PHF20: variants seen among roughly 807,000 people sequenced by gnomAD.
PHF20 encodes the protein glioma-expressed antigen 2.
A neutral mutation model predicts 113.5 loss-of-function variants in PHF20; 23 were observed. The observed-to-expected ratio is 0.20, with a 90% CI of 0.15 to 0.29. The LOEUF is 0.29. Among genes scored for constraint, PHF20 ranks in the 10% least tolerant of loss-of-function variants. The probability of loss-of-function intolerance (pLI) is 1.00; values close to 1 mark genes in which losing one functional copy is unlikely to be tolerated. For missense variants in PHF20, 943 were observed against 1,219.6 expected (o/e 0.77, Z 3.38); for synonymous variants, 434 against 457.3 (o/e 0.95, Z 0.65).
chr20:35,842,737 G>C lies in PHF20; in HGVS notation c.248G>C (p.Gly83Ala). The C allele has an allele frequency of 6.2e-7, 1 of 1,613,084 alleles. No individual in the cohort carries two copies. Among genetic ancestry groups the C allele is most frequent in the Non-Finnish European group, 8.5e-7 (1 of 1,179,548 alleles). The change falls in exon 3 of 18, where the codon GGA (glycine) becomes GCA (alanine). Residue 83 changes from glycine to alanine, a missense_variant. Coordinates refer to ENST00000374012, the MANE Select transcript of PHF20 (RefSeq NM_016436.5). The part of the protein sequence containing the change: ...LRKEGLHEED[G>A]SSEFQINEQV... ...AAAGAGGGCTTGCATGAAGAGGATG[G>C]ATCTTCTGTGAGTAACAAATCTGGG... is the stretch of plus-strand genomic sequence containing the variant.
chr20:35,848,749 C>T (rs1342982840), intron 4 of PHF20, among the ~76,000 whole-genome samples: 2 of 151,356 alleles, frequency 1.3e-5, no homozygotes, highest in South Asian at 2.1e-4. Flanking sequence ...CCTAGCTACT[C>T]GCATGGCTGA....
chr20:35,842,002 C>T (rs2042544851), intron 2 of PHF20, among the ~76,000 whole-genome samples: 1 of 152,108 alleles, frequency 6.6e-6, no homozygotes, highest in Non-Finnish European at 1.5e-5. Context: ...ACCCAGTGTG[C>T]TTCTTCCACT....
At chr20:35,820,174 T>C (rs2042143393) in intron 2 of PHF20, among the ~76,000 whole-genome samples, 1 of 152,086 alleles carries the variant, frequency 6.6e-6, no homozygotes, top group Non-Finnish European at 1.5e-5. Context: ...TGAGGAGATA[T>C]TTACTCTGTA....
intron 15 of PHF20, among the ~76,000 whole-genome samples, chr20:35,937,508 T>A (rs1179396072): frequency 6.6e-6 from 1 of 151,488 alleles, no homozygotes; most frequent in Non-Finnish European, 1.5e-5. Context: ...GTGTCTGGGT[T>A]AAAATAAGGG....
chr20:35,886,000 A>G (rs1218068006), intron 9 of PHF20, among the ~76,000 whole-genome samples: 1 of 151,462 alleles, frequency 6.6e-6, no homozygotes, highest in Non-Finnish European at 1.5e-5. Flanking sequence ...GTTTAATCTC[A>G]CTTCTTTCCT....
rs541650781 is a variant in PHF20 at position 35,786,166 on chromosome 20, A to G, written c.-33+14087A>G. Among the ~76,000 whole-genome samples, 224 of 152,120 alleles carry G rather than the reference A, an allele frequency of 1.5e-3. 1 individual carries two copies. Among genetic ancestry groups the G allele is most frequent in the Admixed American group, 3.5e-3 (54 of 15,256 alleles). ...CACTTTGGGAGGCCGAGGCAGGTGGATCACGAGGTCAGGAGATCGAGACCA... is the reference window on the plus strand; with the variant it reads ...CACTTTGGGAGGCCGAGGCAGGTGGGTCACGAGGTCAGGAGATCGAGACCA... On this transcript the variant is annotated intron_variant, in intron 1 of 17. Transcript: ENST00000374012.
intron 2 of PHF20, among the ~76,000 whole-genome samples, chr20:35,823,744 C>T (rs1424896772): frequency 6.6e-6 from 1 of 151,988 alleles, no homozygotes; most frequent in African/African-American, 2.4e-5. Context: ...CTCCTGGCAC[C>T]TCCAGCTCCT....
chr20:35,803,339 T>G (rs2041819681), intron 2 of PHF20, among the ~76,000 whole-genome samples: 1 of 151,270 alleles, frequency 6.6e-6, no homozygotes, highest in Non-Finnish European at 1.5e-5. Context: ...TTTTTTTTTT[T>G]GGAGACAAGA....
intron 6 of PHF20, among the ~76,000 whole-genome samples, chr20:35,866,712 C>T (rs2054325757): frequency 6.6e-6 from 1 of 152,118 alleles, no homozygotes; most frequent in South Asian, 2.1e-4. Context: ...TTTAGGTATT[C>T]ATGCCCTGGC....
intron 11 of PHF20, among the ~76,000 whole-genome samples, 157 bp from the exon 12 acceptor site, chr20:35,913,876 G>T (rs1427139758): frequency 2.0e-5 from 3 of 152,132 alleles, no homozygotes; most frequent in African/African-American, 7.2e-5. Flanking sequence ...GGAGGTGTTT[G>T]GGCCCCTTCA....
intron 2 of PHF20, among the ~76,000 whole-genome samples, chr20:35,808,290 C>G (rs960444578): frequency 2.6e-5 from 4 of 151,870 alleles, no homozygotes; most frequent in African/African-American, 9.7e-5. Context: ...TGTTCATTGA[C>G]TAGGATCATA....
At chr20:35,787,818 T>C (rs1053125614) in intron 1 of PHF20, among the ~76,000 whole-genome samples, 5 of 151,768 alleles carry the variant, frequency 3.3e-5, no homozygotes, top group Non-Finnish European at 7.4e-5. Flanking sequence ...TTTCGCTCTG[T>C]CTCCCTGGCT....
chr20:35,785,150 AT>A (rs1471708612), intron 1 of PHF20, among the ~76,000 whole-genome samples: 1 of 151,676 alleles, frequency 6.6e-6, no homozygotes, highest in African/African-American at 2.4e-5. Context: ...CAAGTTGTTT[AT>A]TGTTTATACT....
At chr20:35,889,040 G>A (rs562197136) in intron 9 of PHF20, among the ~76,000 whole-genome samples, 125 of 110,980 alleles carry the variant, frequency 1.1e-3, no homozygotes, top group African/African-American at 4.2e-3. Context: ...TTTTTGAAAT[G>A]GAGTCTCGCT....
At chr20:35,932,011 A>AAT (rs1193117711) in intron 15 of PHF20, among the ~76,000 whole-genome samples, 1 of 151,664 alleles carries the variant, frequency 6.6e-6, no homozygotes, top group African/African-American at 2.4e-5. Flanking sequence ...CCACCACCAG[A>AAT]ATCAATACAT....
chr20:35,813,718 C>T (rs1277438709), intron 2 of PHF20, among the ~76,000 whole-genome samples: 7 of 151,920 alleles, frequency 4.6e-5, no homozygotes, highest in Non-Finnish European at 7.4e-5. Context: ...ATTAGCCAGG[C>T]GTGGTGGCAC....
At chr20:35,817,110 T>C (rs545859194) in intron 2 of PHF20, among the ~76,000 whole-genome samples, 1 of 151,736 alleles carries the variant, frequency 6.6e-6, no homozygotes, top group East Asian at 2.0e-4. Flanking sequence ...TTGTTGTTTT[T>C]TTTTAATCTG....
At chr20:35,827,628 C>CA (rs1252217631) in intron 2 of PHF20, among the ~76,000 whole-genome samples, 2 of 151,908 alleles carry the variant, frequency 1.3e-5, no homozygotes, top group Admixed American at 1.3e-4. Flanking sequence ...ATTAAAAATA[C>CA]AAAAAATTGG....
chr20:35,817,170 T>G (rs1362433309), intron 2 of PHF20, among the ~76,000 whole-genome samples: 1 of 151,720 alleles, frequency 6.6e-6, no homozygotes, highest in Non-Finnish European at 1.5e-5. Context: ...TCCTACAGTC[T>G]AATTTTATTT....
Sources: gnomAD v4.1 joint callset for allele counts (sites outside exome capture counted in the v4.1 genomes callset) on GRCh38, gnomAD v4.1.1 for gene constraint, MANE v1.5 for transcripts, NCBI Gene and HGNC (gene_info 2026-07-23, HGNC 2026-07-21) for gene names.